The following FCHO2 variants were observed in gnomAD, a reference collection of about 807,000 sequenced individuals.
FCHO2 encodes the protein F-BAR domain only protein 2.
Under a neutral mutation model 114.1 loss-of-function variants are expected in FCHO2, and 43 were observed. The observed-to-expected ratio is 0.38, with a 90% CI of 0.30 to 0.49. The LOEUF (loss-of-function observed/expected upper bound fraction) is 0.49, where lower values mean the gene tolerates loss of function less well. Ranked by LOEUF, FCHO2 falls within the 20% of genes least tolerant of loss-of-function variation. FCHO2 has a pLI of 0.97. For missense variants in FCHO2, 807 were observed against 950.4 expected, an observed-to-expected ratio of 0.85 and a Z score of 1.98; for synonymous variants, 293 against 315.2, an observed-to-expected ratio of 0.93 and a Z score of 0.75.
At chr5:73,060,670 G>A (rs1580184713) in intron 17 of FCHO2, among the ~76,000 whole-genome samples, 1 of 151,952 alleles carries the variant, frequency 6.6e-6, no homozygotes, top group African/African-American at 2.4e-5. Context: ...GCTCTCCTGT[G>A]TGTCTTTCAT....
intron 22 of FCHO2, among the ~76,000 whole-genome samples, chr5:73,079,903 G>C (rs1387099858): frequency 6.6e-6 from 1 of 152,108 alleles, no homozygotes; most frequent in Non-Finnish European, 1.5e-5. Flanking sequence ...GTATTTCTCT[G>C]TGTGTGTATA....
intron 1 of FCHO2, among the ~76,000 whole-genome samples, chr5:72,962,399 T>C (rs1391762125): frequency 6.6e-6 from 1 of 152,206 alleles, no homozygotes; most frequent in African/African-American, 2.4e-5. Flanking sequence ...ATCCTGCACA[T>C]GTGGCTAATA....
intron 20 of FCHO2, among the ~76,000 whole-genome samples, chr5:73,075,114 A>G (rs1193049400): frequency 6.6e-6 from 1 of 152,182 alleles, no homozygotes; most frequent in African/African-American, 2.4e-5. Flanking sequence ...TAGTAAACAA[A>G]AGAGTTCTCT....
At chr5:72,963,924 T>G (rs1453131087) in intron 1 of FCHO2, among the ~76,000 whole-genome samples, 1 of 147,452 alleles carries the variant, frequency 6.8e-6, no homozygotes, top group Non-Finnish European at 1.5e-5. Context: ...TTTTTTTTTT[T>G]TTTTTGTTTA....
chr5:72,978,584 T>C (rs1189283355), intron 2 of FCHO2, among the ~76,000 whole-genome samples: 1 of 152,152 alleles, frequency 6.6e-6, no homozygotes, highest in Non-Finnish European at 1.5e-5. Flanking sequence ...CCTTTTCCTA[T>C]TTGAATACCC....
chr5:72,993,585 T>G (rs991574003), intron 5 of FCHO2, among the ~76,000 whole-genome samples: 1 of 152,178 alleles, frequency 6.6e-6, no homozygotes, highest in Non-Finnish European at 1.5e-5. Context: ...TTTCCTCATA[T>G]GAAATCAGAA....
rs1054865750 is a variant in FCHO2, at chr5:72,979,299, G to T, written c.126-10128G>T. The stretch of plus-strand genomic sequence containing the variant: ...TGCCTCAATTTCAGAGCTTGTTATC[G>T]ATCTGTCCAGGGATTCTACCTCTTC... On this transcript the variant is annotated intron_variant, in intron 2 of 25. Transcript: ENST00000430046. 3.5e-4 allele frequency among the ~76,000 whole-genome samples: 52 copies of T among 148,142 alleles called. 1 individual carries two copies. Among genetic ancestry groups the T allele is most frequent in the Non-Finnish European group, 5.9e-4 (40 of 67,360 alleles).
At position 73,077,448 on chromosome 5, in the gene FCHO2, T is replaced by G; in HGVS notation, c.1802T>G (p.Ile601Ser). 6.2e-7 allele frequency: 1 copy of G among 1,603,288 alleles called. No individual in the cohort carries two copies. The highest frequency in any genetic ancestry group is 8.5e-7 in the Non-Finnish European group (1 of 1,174,642). The change falls in exon 21 of 26, where the codon ATC (isoleucine) becomes AGC (serine). Residue 601 changes from isoleucine (I) to serine (S), a missense_variant. Coordinates refer to ENST00000430046, the MANE Select transcript of FCHO2 (RefSeq NM_138782.3). Reference protein sequence around the residue: ...PAVLCFRVKNISRLEQILPNA... With the variant: ...PAVLCFRVKNSSRLEQILPNA... ...GTGTTGTGCTTCAGGGTGAAAAATA[T>G]CAGCAGACTAGAGCAGATTCTTCCA... is the stretch of plus-strand genomic sequence containing the variant.
Position 73,015,654 on chromosome 5 carries a change from T to G in FCHO2, c.629T>G (p.Leu210Arg), listed in dbSNP as rs1479391797. The change falls in exon 7 of 26, where the codon CTC (leucine) becomes CGC (arginine). Residue 210 changes from leucine (L) to arginine (R), a missense_variant. Physicochemically the swap from Leu to Arg is moderately radical, Grantham distance 102. Coordinates refer to ENST00000430046, the MANE Select transcript of FCHO2 (RefSeq NM_138782.3). ...TTTCAAGATATTGAAGAAACTCATC[T>G]CATTCACATAAAGGAAATTATAGGA... is the stretch of plus-strand genomic sequence containing the variant. ...QKFQDIEETHLIHIKEIIGSL... is the reference protein window; with the variant it reads ...QKFQDIEETHRIHIKEIIGSL... 1 of 1,577,768 alleles carries G rather than the reference T, an allele frequency of 6.3e-7. No individual in the cohort carries two copies. Among genetic ancestry groups the G allele is most frequent in the African/African-American group, 1.4e-5 (1 of 72,358 alleles).
intron 2 of FCHO2, among the ~76,000 whole-genome samples, chr5:72,984,016 G>GT (rs1300501790): frequency 6.6e-6 from 1 of 152,048 alleles, no homozygotes; most frequent in Non-Finnish European, 1.5e-5. Context: ...TTATTTGAGA[G>GT]TTCCAGTTGC....
At position 72,997,223 on chromosome 5, in the gene FCHO2, C is replaced by T. The variant is rs1264041312; in HGVS notation, c.495+6359C>T. 4.4e-6 allele frequency: 5 copies of T among 1,143,768 alleles called. No individual in the cohort carries two copies. The African/African-American group carries it at 6.1e-5, about 14-fold the overall frequency. 70.9% of individuals were successfully genotyped at this position (1,143,768 alleles called of 1,614,324 possible). A position where few individuals can be genotyped will look rare whatever the true frequency, so the allele number is the denominator to read the frequency against. The stretch of plus-strand genomic sequence containing the variant: ...GGTGGTAATAGACAAACATCCTGTC[C>T]GTTTCTTTGTACATTAGAGGCCCCA... On this transcript the variant is annotated intron_variant, in intron 5 of 25. Transcript: ENST00000430046.
At chr5:73,035,703 A>G (rs895787174) in intron 9 of FCHO2, among the ~76,000 whole-genome samples, 1 of 152,036 alleles carries the variant, frequency 6.6e-6, no homozygotes, top group Non-Finnish European at 1.5e-5. Flanking sequence ...GGGTTTCACC[A>G]TGTTGGCTAG....
At chr5:73,016,156 T>G (rs1435769067) in intron 7 of FCHO2, among the ~76,000 whole-genome samples, 1 of 152,072 alleles carries the variant, frequency 6.6e-6, no homozygotes, top group Non-Finnish European at 1.5e-5. Context: ...AAGTCTGTTA[T>G]TCTTCAAACT....
chr5:72,960,000 G>A (rs969942277), intron 1 of FCHO2, among the ~76,000 whole-genome samples: 16 of 152,096 alleles, frequency 1.1e-4, no homozygotes, highest in African/African-American at 3.6e-4. Flanking sequence ...GGCTGGTCTC[G>A]AACTCCTGGG....
At chr5:73,069,608 T>C (rs1376311040) in intron 19 of FCHO2, among the ~76,000 whole-genome samples, 1 of 151,954 alleles carries the variant, frequency 6.6e-6, no homozygotes. Flanking sequence ...CAGGCTGTAA[T>C]TTGAGTGATG....
rs1035205411 is a variant in FCHO2 at position 72,992,977 on chromosome 5, A to T, written c.495+2113A>T. Among the ~76,000 whole-genome samples the T allele has an allele frequency of 3.3e-5, 5 of 150,976 alleles. No individual in the cohort carries two copies. In the South Asian group the frequency reaches 6.2e-4, roughly 19 times the overall value. On this transcript the variant is annotated intron_variant, in intron 5 of 25. Transcript: ENST00000430046. ...AAAGAGGGCAAAATAAAAAAAAAAA[A>T]CTCCTATTCTGAATGAGCAAACAAC...
At chr5:72,994,114 A>G (rs1420056576) in intron 5 of FCHO2, among the ~76,000 whole-genome samples, 2 of 152,244 alleles carry the variant, frequency 1.3e-5, no homozygotes, top group Admixed American at 6.5e-5. Flanking sequence ...AGCAATTGCA[A>G]CAAAAACAAA....
At chr5:72,996,116 G>A (rs1037557844) in intron 5 of FCHO2, among the ~76,000 whole-genome samples, 1 of 151,844 alleles carries the variant, frequency 6.6e-6, no homozygotes, top group South Asian at 2.1e-4. Context: ...GGTAGCGGGC[G>A]CTTGTAATCC....
intron 11 of FCHO2, among the ~76,000 whole-genome samples, chr5:73,045,234 G>T (rs1190736336): frequency 6.6e-6 from 1 of 152,044 alleles, no homozygotes; most frequent in Admixed American, 6.5e-5. Flanking sequence ...CTCTCATGTT[G>T]GTTGCCCTTT....
Sources: allele counts gnomAD v4.1 joint callset (sites outside exome capture counted in the v4.1 genomes callset), GRCh38; gene constraint gnomAD v4.1.1; transcripts MANE v1.5; gene names NCBI Gene and HGNC (gene_info 2026-07-23, HGNC 2026-07-21).